Variants in ADAM12 observed in about 807,000 individuals in gnomAD.
The protein encoded by ADAM12 is disintegrin and metalloproteinase domain-containing protein 12.
A neutral mutation model predicts 106.4 loss-of-function variants in ADAM12; 70 were observed. The observed-to-expected ratio is 0.66, with a 90% CI of 0.54 to 0.80. The LOEUF is 0.80. Among genes scored for constraint, ADAM12 ranks in the 30% least tolerant of loss-of-function variants. The probability of loss-of-function intolerance (pLI) is 0.00; values close to 1 mark genes in which losing one functional copy is unlikely to be tolerated. For missense variants in ADAM12, 1,010 were observed against 1,171.9 expected, an observed-to-expected ratio of 0.86 and a Z score of 2.02; for synonymous variants, 420 against 433.5, an observed-to-expected ratio of 0.97 and a Z score of 0.39.
intron 2 of ADAM12, among the ~76,000 whole-genome samples, chr10:126,326,677 C>G (rs550487421): frequency 2.1e-4 from 32 of 152,270 alleles, no homozygotes; most frequent in Middle Eastern, 3.4e-3. Context: ...TTAAAACTCA[C>G]TTGCACGTCC....
chr10:126,040,963 A>G (rs1954152920), intron 18 of ADAM12, among the ~76,000 whole-genome samples: 1 of 151,946 alleles, frequency 6.6e-6, no homozygotes, highest in Non-Finnish European at 1.5e-5. Context: ...GCACTCTAGA[A>G]TCTGAGCCCA....
At chr10:126,342,338 G>C (rs1854960730) in intron 1 of ADAM12, among the ~76,000 whole-genome samples, 1 of 152,104 alleles carries the variant, frequency 6.6e-6, no homozygotes, top group African/African-American at 2.4e-5. Context: ...GACCCAAATG[G>C]GCAATCATAA....
In ADAM12 at chr10:126,049,484, G is replaced by GA; in HGVS notation, c.1719-34dup. The GA allele has an allele frequency of 6.2e-7, 1 of 1,613,938 alleles. No individual in the cohort carries two copies. Among genetic ancestry groups the GA allele is most frequent in the South Asian group, 1.1e-5 (1 of 91,072 alleles). On this transcript the variant is annotated intron_variant, in intron 15 of 22. Coordinates refer to ENST00000448723, the MANE Select transcript of ADAM12 (RefSeq NM_001288973.2). The surrounding 1 kb of genome is among the most constrained non-coding windows in gnomAD (Gnocchi z 4.4). The stretch of plus-strand genomic sequence containing the variant: ...GGTAAGAACAAACAATTCCCAAGGA[G>GA]AAACCATTTGGAACCAACCCTATGC...
intron 3 of ADAM12, among the ~76,000 whole-genome samples, chr10:126,263,716 A>T (rs1056608023): frequency 6.6e-6 from 1 of 152,208 alleles, no homozygotes; most frequent in Admixed American, 6.5e-5. Flanking sequence ...GGTAAAAACC[A>T]ATTAACTGAT....
chr10:126,300,340 AG>A (rs1401705117), intron 2 of ADAM12, among the ~76,000 whole-genome samples: 1 of 152,070 alleles, frequency 6.6e-6, no homozygotes, highest in Non-Finnish European at 1.5e-5. Flanking sequence ...ACTGATAAAC[AG>A]GGGGGAAGAG....
intron 3 of ADAM12, among the ~76,000 whole-genome samples, chr10:126,235,441 C>T (rs565966728): frequency 9.2e-5 from 14 of 152,170 alleles, no homozygotes; most frequent in Non-Finnish European, 1.3e-4. Flanking sequence ...CCAGGGAGCG[C>T]GGACCGCTGG....
chr10:126,184,675 C>T (rs906019007), intron 3 of ADAM12, among the ~76,000 whole-genome samples: 8 of 152,160 alleles, frequency 5.3e-5, no homozygotes, highest in African/African-American at 9.7e-5. Flanking sequence ...ACCTTTCCGA[C>T]GGCTGCCACG....
intron 3 of ADAM12, among the ~76,000 whole-genome samples, chr10:126,179,230 C>G (rs192676724): frequency 7.2e-4 from 109 of 152,278 alleles, no homozygotes; most frequent in East Asian, 3.9e-3. Flanking sequence ...TGCTCCTCTT[C>G]CCCCTCTGCT....
At chr10:126,169,092 T>G (rs1966931) in intron 3 of ADAM12, among the ~76,000 whole-genome samples, 14,880 of 152,068 alleles carry the variant, frequency 0.098, 2,097 homozygotes, top group African/African-American at 0.31. Context: ...TTCCTTAGTG[T>G]GGACCAGGCC....
chr10:126,103,003 T>A (rs1955697910), intron 8 of ADAM12, among the ~76,000 whole-genome samples: 1 of 152,178 alleles, frequency 6.6e-6, no homozygotes, highest in Non-Finnish European at 1.5e-5. Context: ...ACACCTTGCG[T>A]GGGCTCAGGG....
intron 8 of ADAM12, among the ~76,000 whole-genome samples, chr10:126,103,752 A>T (rs565197268): frequency 1.3e-5 from 2 of 152,328 alleles, no homozygotes; most frequent in South Asian, 4.1e-4. Context: ...CCTGACTTAC[A>T]AAGCCCAGAA....
chr10:126,027,936 A>G (rs1489962178), intron 21 of ADAM12, among the ~76,000 whole-genome samples: 1 of 152,204 alleles, frequency 6.6e-6, no homozygotes, highest in East Asian at 1.9e-4. Flanking sequence ...ACGTGATCCT[A>G]TATCTTGAAA....
At chr10:126,137,480 A>G (rs1956426739) in intron 4 of ADAM12, among the ~76,000 whole-genome samples, 1 of 152,226 alleles carries the variant, frequency 6.6e-6, no homozygotes, top group African/African-American at 2.4e-5. Context: ...ATCACCACTA[A>G]TTGATTCTAA....
chr10:126,198,504 G>A (rs1317155055), intron 3 of ADAM12, among the ~76,000 whole-genome samples: 1 of 152,160 alleles, frequency 6.6e-6, no homozygotes, highest in East Asian at 1.9e-4. Flanking sequence ...CTGGTTTGTG[G>A]ACGCAAAATG....
At chr10:126,229,971 C>A (rs1958278040) in intron 3 of ADAM12, among the ~76,000 whole-genome samples, 1 of 152,174 alleles carries the variant, frequency 6.6e-6, no homozygotes, top group Non-Finnish European at 1.5e-5. Context: ...CAGTGTTTGG[C>A]CCTTAAGGTG....
At chr10:126,235,142 G>A (rs1371400305) in intron 3 of ADAM12, among the ~76,000 whole-genome samples, 1 of 152,186 alleles carries the variant, frequency 6.6e-6, no homozygotes, top group Admixed American at 6.5e-5. Context: ...CCAGGCCACC[G>A]CAGGTTGGGG....
chr10:126,087,243 C>T (rs375110934), intron 11 of ADAM12, among the ~76,000 whole-genome samples: 1 of 152,088 alleles, frequency 6.6e-6, no homozygotes, highest in South Asian at 2.1e-4. Context: ...TGGAATTGCA[C>T]ACAAATTCTT....
At chr10:126,170,898 T>C (rs887967118) in intron 3 of ADAM12, among the ~76,000 whole-genome samples, 5 of 152,112 alleles carry the variant, frequency 3.3e-5, no homozygotes, top group Non-Finnish European at 5.9e-5. Flanking sequence ...AATACAAAAC[T>C]GGGAGCATTT....
chr10:126,082,067 G>A (rs559067527), intron 11 of ADAM12, among the ~76,000 whole-genome samples: 1 of 152,198 alleles, frequency 6.6e-6, no homozygotes, highest in South Asian at 2.1e-4. Flanking sequence ...TTCTGGAAGG[G>A]CCAGTTTTTC....
Sources: allele counts gnomAD v4.1 joint callset (sites outside exome capture counted in the v4.1 genomes callset), GRCh38; gene constraint gnomAD v4.1.1; non-coding constraint Gnocchi (gnomAD v3.1); transcripts MANE v1.5; gene names NCBI Gene and HGNC (gene_info 2026-07-23, HGNC 2026-07-21).